RPS6KA2: variants seen among roughly 807,000 people sequenced by gnomAD.
RPS6KA2 encodes the protein ribosomal protein S6 kinase A2.
In RPS6KA2, 42 loss-of-function variants were observed where a neutral mutation model predicts 91.8. That is an observed-to-expected ratio of 0.46 (90% CI 0.36 to 0.59). The LOEUF (loss-of-function observed/expected upper bound fraction) is 0.59. RPS6KA2 is among the 20% of genes least tolerant of loss of function. The pLI is 0.00. For synonymous variants in RPS6KA2, 414 were observed against 393.6 expected (o/e 1.05, Z -0.61); for missense variants, 798 against 978.5 (o/e 0.82, Z 2.46).
chr6:166,789,121 G>A (rs1275102369), intron 2 of RPS6KA2, among the ~76,000 whole-genome samples: 1 of 152,178 alleles, frequency 6.6e-6, no homozygotes, highest in African/African-American at 2.4e-5. Context: ...AAAGAAAGGG[G>A]TGACACACGG....
intron 5 of RPS6KA2, among the ~76,000 whole-genome samples, chr6:166,506,264 C>T (rs1363203496): frequency 2.6e-5 from 4 of 152,208 alleles, no homozygotes; most frequent in Non-Finnish European, 4.4e-5. Flanking sequence ...TTCCCTCCTA[C>T]TCCGAAATGA....
At chr6:166,471,945 G>A (rs1391529521) in intron 10 of RPS6KA2, among the ~76,000 whole-genome samples, 2 of 152,232 alleles carry the variant, frequency 1.3e-5, no homozygotes, top group South Asian at 4.1e-4. Context: ...CTTCGCAGGC[G>A]CACCAGTGGC....
intron 11 of RPS6KA2, among the ~76,000 whole-genome samples, chr6:166,462,284 C>G (rs909931202): frequency 2.0e-5 from 3 of 152,260 alleles, no homozygotes; most frequent in African/African-American, 2.4e-5. Flanking sequence ...GGGCTGCAGG[C>G]TCTGCCTGGC....
At chr6:166,775,478 T>C (rs989997171) in intron 2 of RPS6KA2, among the ~76,000 whole-genome samples, 8 of 152,146 alleles carry the variant, frequency 5.3e-5, no homozygotes, top group African/African-American at 1.9e-4. Flanking sequence ...TAGGCCTTGG[T>C]TTTCTTTAAT....
At chr6:166,449,110 A>G (rs559374616) in intron 13 of RPS6KA2, among the ~76,000 whole-genome samples, 80 of 152,280 alleles carry the variant, frequency 5.3e-4, no homozygotes, top group Admixed American at 1.2e-3. Flanking sequence ...ACTGGCTGGT[A>G]TGTTTCTCGC....
chr6:166,482,500 C>A (rs561276943), intron 10 of RPS6KA2, among the ~76,000 whole-genome samples: 1 of 152,080 alleles, frequency 6.6e-6, no homozygotes, highest in Admixed American at 6.5e-5. Context: ...ATCTGTGCTC[C>A]GAGGAAAGAA....
intron 2 of RPS6KA2, among the ~76,000 whole-genome samples, chr6:166,806,073 G>A (rs1164326497): frequency 6.6e-6 from 1 of 152,062 alleles, no homozygotes; most frequent in Non-Finnish European, 1.5e-5. Context: ...TCATTCTGAG[G>A]AACAGAAAGA....
rs375965263 is a variant in RPS6KA2, at chr6:166,557,239, C to T, written c.100-18455G>A. ...GGCAGAGGCAGCTGCAGCCTGAGTG[C>T]GCAGAGGGTAGCTCCTGCCGGGGTG... On this transcript the variant is annotated intron_variant, in intron 1 of 20. Transcript: ENST00000265678. This position sits in a 1 kb window ranked among gnomAD's most constrained non-coding sequence, Gnocchi z 4.8. 9.8e-5 allele frequency among the ~76,000 whole-genome samples: 15 copies of T among 152,374 alleles called. No homozygotes were observed. In the East Asian group the frequency reaches 1.7e-3, roughly 18 times the overall value.
chr6:166,771,367 C>T (rs1778468446), intron 2 of RPS6KA2, among the ~76,000 whole-genome samples: 1 of 152,204 alleles, frequency 6.6e-6, no homozygotes, highest in South Asian at 2.1e-4. Flanking sequence ...AATACGCTCG[C>T]ATACACCTAG....
At position 166,771,303 on chromosome 6, in the gene RPS6KA2, T is replaced by TA. The variant is rs1778466497; in HGVS notation, c.123+86896dup. On this transcript the variant is annotated intron_variant, in intron 2 of 21. Transcript: ENST00000503859. ...TTTCAGGTGACTCTAAACTCTAGTC[T>TA]ATGGAAGAGGCTCATTCCAGCTATT... Among the ~76,000 whole-genome samples the TA allele has an allele frequency of 3.9e-5, 6 of 152,332 alleles. No individual in the cohort carries two copies. In the East Asian group the frequency reaches 1.2e-3, roughly 29 times the overall value.
chr6:166,715,899 A>G (rs1310051123), intron 2 of RPS6KA2, among the ~76,000 whole-genome samples: 2 of 152,080 alleles, frequency 1.3e-5, no homozygotes, highest in African/African-American at 2.4e-5. Context: ...TTAGCTGGGC[A>G]TGGAGACGCA....
At chr6:166,569,452 C>T (rs997655325) in intron 1 of RPS6KA2, among the ~76,000 whole-genome samples, 1 of 152,214 alleles carries the variant, frequency 6.6e-6, no homozygotes, top group Admixed American at 6.5e-5. Context: ...TGTAGAAGAA[C>T]CTTCTGGGTG....
At chr6:166,499,971 G>C (rs1781966993) in intron 7 of RPS6KA2, among the ~76,000 whole-genome samples, 1 of 152,202 alleles carries the variant, frequency 6.6e-6, no homozygotes. Context: ...GGATGACCCT[G>C]GATTTCTGGG....
chr6:166,511,835 A>G (rs1323421292), intron 3 of RPS6KA2, among the ~76,000 whole-genome samples: 1 of 152,246 alleles, frequency 6.6e-6, no homozygotes, highest in Non-Finnish European at 1.5e-5. Flanking sequence ...TGGAACCATC[A>G]TGCATTGCTG....
At chr6:166,647,329 C>A (rs1787637465) in intron 2 of RPS6KA2, among the ~76,000 whole-genome samples, 1 of 152,178 alleles carries the variant, frequency 6.6e-6, no homozygotes, top group Admixed American at 6.5e-5. Flanking sequence ...ACGCCCGCCT[C>A]GTCCCCATGG....
At chr6:166,677,096 C>T (rs962575104) in intron 2 of RPS6KA2, among the ~76,000 whole-genome samples, 4 of 152,086 alleles carry the variant, frequency 2.6e-5, no homozygotes, top group Non-Finnish European at 5.9e-5. Flanking sequence ...AGTTGTTTTG[C>T]GTATTTTGAA....
At chr6:166,718,457 G>A (rs1346952821) in intron 2 of RPS6KA2, among the ~76,000 whole-genome samples, 1 of 152,134 alleles carries the variant, frequency 6.6e-6, no homozygotes, top group Non-Finnish European at 1.5e-5. Context: ...AAAAGACTAA[G>A]CATTCCATGT....
At chr6:166,465,195 G>A (rs923684423) in intron 11 of RPS6KA2, 5 of 152,200 alleles carry the variant, frequency 3.3e-5, no homozygotes, top group African/African-American at 9.7e-5. Flanking sequence ...CAGAGGGAAC[G>A]GCTTTTGGTG....
chr6:166,461,218 T>G (rs2128460532), intron 11 of RPS6KA2, among the ~76,000 whole-genome samples: 1 of 152,296 alleles, frequency 6.6e-6, no homozygotes, highest in African/African-American at 2.4e-5. Flanking sequence ...CTTGGGGGCA[T>G]AGATTTCATT....
Sources: allele counts gnomAD v4.1 joint callset (sites outside exome capture counted in the v4.1 genomes callset), GRCh38; gene constraint gnomAD v4.1.1; non-coding constraint Gnocchi (gnomAD v3.1); transcripts MANE v1.5; gene names NCBI Gene and HGNC (gene_info 2026-07-23, HGNC 2026-07-21).